The following HYDIN variants were observed in gnomAD, a reference collection of about 807,000 sequenced individuals.
HYDIN encodes HYDIN axonemal central pair apparatus protein.
In HYDIN, 132 loss-of-function variants were observed where a neutral mutation model predicts 403.9. That is an observed-to-expected ratio of 0.33 (90% CI 0.28 to 0.38). HYDIN has a LOEUF of 0.38. Among genes scored for constraint, HYDIN ranks in the 10% least tolerant of loss-of-function variants. The pLI is 1.00. For missense variants in HYDIN, 2,827 were observed against 5,009.5 expected (o/e 0.56, Z 13.15); for synonymous variants, 1,202 against 1,891.7 (o/e 0.64, Z 9.46).
At chr16:71,202,547 C>G (rs909458799) in intron 1 of HYDIN, among the ~76,000 whole-genome samples, 2 of 152,150 alleles carry the variant, frequency 1.3e-5, no homozygotes, top group African/African-American at 4.8e-5. Flanking sequence ...TGAAAGAAAT[C>G]TAAGCAACAG....
intron 45 of HYDIN, chr16:70,933,601 C>T (rs2077415249): frequency 6.5e-6 from 1 of 154,180 alleles, no homozygotes; most frequent in Admixed American, 6.6e-5. Context: ...TTCCTCATCT[C>T]CAAAATGATG....
chr16:70,990,649 T>C (rs1413205208), intron 25 of HYDIN, among the ~76,000 whole-genome samples: 1 of 152,176 alleles, frequency 6.6e-6, no homozygotes, highest in East Asian at 1.9e-4. Context: ...GACGGTCTCC[T>C]ATTGGTGGAA....
intron 83 of HYDIN, among the ~76,000 whole-genome samples, chr16:70,820,891 C>T (rs547036371): frequency 1.2e-4 from 18 of 152,046 alleles, no homozygotes; most frequent in African/African-American, 3.4e-4. Flanking sequence ...TCAAGTGATC[C>T]GTCTGCCTCA....
chr16:71,096,141 G>T (rs1445276463), intron 10 of HYDIN, among the ~76,000 whole-genome samples: 1 of 152,036 alleles, frequency 6.6e-6, no homozygotes, highest in Non-Finnish European at 1.5e-5. Context: ...ACATGTATCC[G>T]TGAACAATTT....
At position 70,866,448 on chromosome 16, in the gene HYDIN, T is replaced by C. The variant is rs185728743; in HGVS notation, c.11311-119A>G. 2.5e-5 allele frequency: 22 copies of C among 880,722 alleles called. No individual in the cohort carries two copies. The South Asian group carries it at 3.1e-4, about 12-fold the overall frequency. 54.6% of individuals were successfully genotyped at this position (880,722 alleles called of 1,614,324 possible). A position where few individuals can be genotyped will look rare whatever the true frequency, so the allele number is the denominator to read the frequency against. ...GCATATATAAAATTTAGGTACACTA[T>C]GTGACAATAAAGTCCTGGTGGATCA... On this transcript the variant is annotated intron_variant, in intron 66 of 85. Transcript: ENST00000393567.
At chr16:71,135,760 G>A (rs1468587005) in intron 8 of HYDIN, among the ~76,000 whole-genome samples, 1 of 150,830 alleles carries the variant, frequency 6.6e-6, no homozygotes, top group Non-Finnish European at 1.5e-5. Context: ...ATGCCATAAA[G>A]CCAGAGGAAG....
intron 75 of HYDIN, among the ~76,000 whole-genome samples, chr16:70,840,939 A>G (rs1468276264): frequency 1.3e-5 from 2 of 152,198 alleles, no homozygotes; most frequent in Non-Finnish European, 2.9e-5. Context: ...CAAACTCCTC[A>G]TAATGTGAAT....
chr16:71,211,364 G>C (rs1437471876), intron 1 of HYDIN, among the ~76,000 whole-genome samples: 1 of 146,260 alleles, frequency 6.8e-6, no homozygotes, highest in Non-Finnish European at 1.5e-5. Context: ...GGAGGGACCG[G>C]GTACAGTGAC....
At chr16:71,016,134 A>G (rs1440221582) in intron 23 of HYDIN, among the ~76,000 whole-genome samples, 1 of 152,190 alleles carries the variant, frequency 6.6e-6, no homozygotes, top group African/African-American at 2.4e-5. Flanking sequence ...GTATGACCAC[A>G]CCAAACTAAA....
At chr16:70,989,702 A>C (rs2079283751) in intron 25 of HYDIN, among the ~76,000 whole-genome samples, 1 of 152,200 alleles carries the variant, frequency 6.6e-6, no homozygotes, top group Admixed American at 6.5e-5. Context: ...TATATGGTAA[A>C]AAGATAAAAA....
chr16:70,945,206 C>CTCA (rs200826253), intron 41 of HYDIN, among the ~76,000 whole-genome samples: 3,768 of 152,058 alleles, frequency 0.025, no homozygotes, highest in African/African-American at 0.085. Context: ...CGAGAAGTGG[C>CTCA]TCATACAGGA....
chr16:71,177,762 C>G (rs2086729894), intron 4 of HYDIN, among the ~76,000 whole-genome samples: 1 of 152,212 alleles, frequency 6.6e-6, no homozygotes, highest in Admixed American at 6.5e-5. Flanking sequence ...GCCTTCCTCC[C>G]CATCTGATTA....
intron 30 of HYDIN, among the ~76,000 whole-genome samples, chr16:70,978,149 C>T (rs571130594): frequency 6.6e-6 from 1 of 152,054 alleles, no homozygotes; most frequent in African/African-American, 2.4e-5. Flanking sequence ...ACCAAGACCT[C>T]GCTTCTCCTC....
intron 85 of HYDIN, among the ~76,000 whole-genome samples, 189 bp downstream of exon 85, chr16:70,809,594 C>A (rs765620186): frequency 2.6e-5 from 4 of 152,358 alleles, no homozygotes; most frequent in Non-Finnish European, 5.9e-5. Context: ...GAACCCAGGC[C>A]TGGTGCTGTT....
chr16:71,106,339 T>C (rs1448690526), intron 10 of HYDIN, among the ~76,000 whole-genome samples: 2 of 151,564 alleles, frequency 1.3e-5, no homozygotes, highest in East Asian at 3.9e-4. Flanking sequence ...TTTACGTGCT[T>C]CACAAATACT....
At chr16:71,157,486 T>A (rs1452689455) in intron 6 of HYDIN, among the ~76,000 whole-genome samples, 1 of 149,856 alleles carries the variant, frequency 6.7e-6, no homozygotes, top group Non-Finnish European at 1.5e-5. Flanking sequence ...GGGATCTCCT[T>A]AGAGATTCTA....
chr16:71,074,671 C>A (rs2082570950), intron 13 of HYDIN, among the ~76,000 whole-genome samples: 1 of 116,588 alleles, frequency 8.6e-6, no homozygotes, highest in South Asian at 2.9e-4. Context: ...AACAGAGACT[C>A]TGTCTCAAAA....
At chr16:71,210,313 G>GAATACCATGC (rs1278904110) in intron 1 of HYDIN, among the ~76,000 whole-genome samples, 1 of 152,164 alleles carries the variant, frequency 6.6e-6, no homozygotes, top group Non-Finnish European at 1.5e-5. Flanking sequence ...ATAGACCATG[G>GAATACCATGC]AATACCATGC....
intron 9 of HYDIN, among the ~76,000 whole-genome samples, chr16:71,126,656 G>A (rs2084474728): frequency 1.3e-5 from 2 of 152,124 alleles, no homozygotes; most frequent in African/African-American, 4.8e-5. Context: ...GGAGGGGGCT[G>A]GGGGTAGGCC....
Sources: allele counts gnomAD v4.1 joint callset (sites outside exome capture counted in the v4.1 genomes callset), GRCh38; gene constraint gnomAD v4.1.1; transcripts MANE v1.5; gene names NCBI Gene and HGNC (gene_info 2026-07-23, HGNC 2026-07-21).